The following OR52N2 variants were observed in gnomAD, a reference collection of about 807,000 sequenced individuals.
OR52N2 encodes the protein olfactory receptor family 52 subfamily N member 2.
For synonymous variants in OR52N2, 129 were observed against 72.0 expected (o/e 1.79, Z -4.01); for missense variants, 326 against 196.6 (o/e 1.66, Z -3.94).
chr11:5,819,916 A>C (rs1420891870), intron 1 of OR52N2, among the ~76,000 whole-genome samples: 1 of 152,178 alleles, frequency 6.6e-6, no homozygotes, highest in Non-Finnish European at 1.5e-5. Flanking sequence ...CAGTGACAAG[A>C]CTCAGGTACA....
At chr11:5,809,256 G>A (rs1846332891) in intron 1 of OR52N2, among the ~76,000 whole-genome samples, 1 of 152,186 alleles carries the variant, frequency 6.6e-6, no homozygotes. Context: ...AAGAGCACAG[G>A]GAAGGAAGGA....
chr11:5,812,363 C>G (rs945722273), intron 1 of OR52N2, among the ~76,000 whole-genome samples: 2 of 150,724 alleles, frequency 1.3e-5, no homozygotes, highest in Non-Finnish European at 3.0e-5. Context: ...GGCATGGTGG[C>G]GGGCGCCTAT....
chr11:5,815,669 G>C (rs988097145), intron 1 of OR52N2, among the ~76,000 whole-genome samples: 12 of 152,102 alleles, frequency 7.9e-5, no homozygotes, highest in Admixed American at 7.9e-4. Context: ...CAGTATGGTA[G>C]TTCCTCAAAA....
chr11:5,820,859 T>A lies in OR52N2; in HGVS notation c.524T>A (p.Phe175Tyr). The A allele has an allele frequency of 1.3e-6, 1 of 781,004 alleles. No homozygotes were observed. Among genetic ancestry groups the A allele is most frequent in the Non-Finnish European group, 2.4e-6 (1 of 418,136 alleles). The allele number at this position is 781,004 out of a possible 1,614,324, so 48.4% of individuals were successfully genotyped here. A position where few individuals can be genotyped will look rare whatever the true frequency, so the allele number is the denominator to read the frequency against. The change falls in exon 2 of 2, where the codon TTC (phenylalanine) becomes TAC (tyrosine). Residue 175 changes from phenylalanine to tyrosine, a missense_variant. By Grantham distance (22) the Phe-to-Tyr change is conservative. Transcript: ENST00000317037. ...CGCCTGCCCTATTGCCGGGGGAACT[T>A]CATCCCCCACACCTACTGTGACCAT... ...TKRLPYCRGN[F>Y]IPHTYCDHMS...
intron 1 of OR52N2, among the ~76,000 whole-genome samples, chr11:5,812,654 T>C (rs1165383547): frequency 6.6e-6 from 1 of 151,930 alleles, no homozygotes; most frequent in Admixed American, 6.6e-5. Context: ...AAAATATTAA[T>C]AGAGCTGAAG....
chr11:5,817,597 A>C (rs1047839367), intron 1 of OR52N2, among the ~76,000 whole-genome samples: 4 of 152,214 alleles, frequency 2.6e-5, no homozygotes, highest in Non-Finnish European at 4.4e-5. Flanking sequence ...CAGTATTTGC[A>C]CTAGTGAAGC....
Position 5,820,944 on chromosome 11 carries a change from G to A in OR52N2, c.609G>A (p.Met203Ile), listed in dbSNP as rs1564974271. ...NFKVNAIYGL[M>I]VALLIGVFDI... ...AGGTCAATGCTATTTATGGTCTGAT[G>A]GTTGCTCTCCTGATTGGTGTGTTTG... Residue 203 changes from methionine (M) to isoleucine (I), a missense_variant, in exon 2 of 2, where the codon ATG (methionine) becomes ATA (isoleucine). Physicochemically the swap from Met to Ile is conservative, Grantham distance 10. Coordinates refer to ENST00000317037, the MANE Select transcript of OR52N2 (RefSeq NM_001005174.3). The A allele has an allele frequency of 2.6e-6, 2 of 781,018 alleles. No homozygotes were observed. The highest frequency in any genetic ancestry group is 1.7e-5 in the African/African-American group (1 of 59,236). The allele number at this position is 781,018 out of a possible 1,614,324, so 48.4% of individuals were successfully genotyped here. A position where few individuals can be genotyped will look rare whatever the true frequency, so the allele number is the denominator to read the frequency against.
chr11:5,812,270 G>A (rs1016690011), intron 1 of OR52N2, among the ~76,000 whole-genome samples: 4 of 151,220 alleles, frequency 2.6e-5, no homozygotes, highest in East Asian at 1.9e-4. Flanking sequence ...CGAGGCAGGC[G>A]GATCACGAGG....
intron 1 of OR52N2, among the ~76,000 whole-genome samples, chr11:5,818,953 C>T (rs1288018861): frequency 6.6e-6 from 1 of 152,154 alleles, no homozygotes; most frequent in Admixed American, 6.5e-5. Flanking sequence ...TCACGAGCTT[C>T]TGAAACATGT....
chr11:5,813,215 G>A (rs929406320), intron 1 of OR52N2, among the ~76,000 whole-genome samples: 3 of 150,778 alleles, frequency 2.0e-5, no homozygotes, highest in Non-Finnish European at 4.4e-5. Context: ...GATCAGATCA[G>A]AAATAAATGA....
In OR52N2 at chr11:5,820,279, T is replaced by C; in HGVS notation, c.-54-3T>C. On this transcript the variant is annotated splice_region_variant and splice_polypyrimidine_tract_variant and intron_variant, in intron 1 of 1. Transcript: ENST00000317037. Reference sequence around the variant, plus strand: ...TCTCTAACTCTCCCTCTCCCTCTCCTAGGCAGAAAGCAATGGCTGCTAAAG... The same window carrying C: ...TCTCTAACTCTCCCTCTCCCTCTCCCAGGCAGAAAGCAATGGCTGCTAAAG... 1.3e-6 allele frequency: 1 copy of C among 756,280 alleles called. No homozygotes were observed. The highest frequency in any genetic ancestry group is 2.5e-6 in the Non-Finnish European group (1 of 407,298). 46.8% of individuals were successfully genotyped at this position (756,280 alleles called of 1,614,324 possible).
Position 5,820,763 on chromosome 11 carries a change from T to C in OR52N2, c.428T>C (p.Ile143Thr), listed in dbSNP as rs554682996. 1.3e-6 allele frequency: 1 copy of C among 772,952 alleles called. No homozygotes were observed. The highest frequency in any genetic ancestry group is 1.4e-5 in the South Asian group (1 of 71,972). 47.9% of individuals were successfully genotyped at this position (772,952 alleles called of 1,614,324 possible). A position where few individuals can be genotyped will look rare whatever the true frequency, so the allele number is the denominator to read the frequency against. The stretch of plus-strand genomic sequence containing the variant: ...GCCACCATCCTTACCAACCCTGTCA[T>C]CGCCAAGGCTGGTCTTGCCACCTTC... ...RYATILTNPV[I>T]AKAGLATFLR... Residue 143 changes from isoleucine to threonine, a missense_variant, in exon 2 of 2, where the codon ATC becomes ACC. Ile to Thr is a moderately conservative substitution (Grantham distance 89). Transcript: ENST00000317037.
chr11:5,812,273 T>A (rs1316094590), intron 1 of OR52N2, among the ~76,000 whole-genome samples: 1 of 151,118 alleles, frequency 6.6e-6, no homozygotes, highest in Non-Finnish European at 1.5e-5. Flanking sequence ...GGCAGGCGGA[T>A]CACGAGGTCA....
chr11:5,815,914 G>A (rs1846400664), intron 1 of OR52N2, among the ~76,000 whole-genome samples: 1 of 143,916 alleles, frequency 6.9e-6, no homozygotes, highest in African/African-American at 2.5e-5. Context: ...GTATATACGT[G>A]TGTATATATA....
intron 1 of OR52N2, among the ~76,000 whole-genome samples, chr11:5,816,956 TTG>T (rs1392727953): frequency 6.6e-6 from 1 of 152,242 alleles, no homozygotes; most frequent in African/African-American, 2.4e-5. Context: ...CAAAATAATT[TTG>T]TGTGTATTCT....
In OR52N2 at chr11:5,813,106, C is replaced by CA. The variant is rs1383872323; in HGVS notation, c.-55+4059dup. On this transcript the variant is annotated intron_variant, in intron 1 of 1. Transcript: ENST00000317037. Reference sequence around the variant, plus strand: ...AGTTCATAGCAAGAAACACCTACATCAAAAAAATAATAAAGATCTCAAATA... The same window carrying CA: ...AGTTCATAGCAAGAAACACCTACATCAAAAAAAATAATAAAGATCTCAAATA... Among the ~76,000 whole-genome samples, 3 of 151,018 alleles carry CA rather than the reference C, an allele frequency of 2.0e-5. No individual in the cohort carries two copies. In the East Asian group the frequency reaches 5.8e-4, roughly 29 times the overall value.
At position 5,820,609 on chromosome 11, in the gene OR52N2, A is replaced by G. The variant is rs1282120346; in HGVS notation, c.274A>G (p.Lys92Glu). 2 of 782,488 alleles carry G rather than the reference A, an allele frequency of 2.6e-6. No individual in the cohort carries two copies. The highest frequency in any genetic ancestry group is 4.8e-6 in the Non-Finnish European group (2 of 419,632). 48.5% of individuals were successfully genotyped at this position (782,488 alleles called of 1,614,324 possible). A position where few individuals can be genotyped will look rare whatever the true frequency, so the allele number is the denominator to read the frequency against. Residue 92 changes from lysine (K) to glutamate (E), a missense_variant, in exon 2 of 2, where the codon AAG becomes GAG. By Grantham distance (56) the Lys-to-Glu change is moderately conservative. Transcript: ENST00000317037. The stretch of plus-strand genomic sequence containing the variant: ...GCTGTGCATATTCTGGTTCAACCTC[A>G]AGGAGATTGACTTTAACGCCTGCCT... ...NMLCIFWFNL[K>E]EIDFNACLAQ...
In OR52N2 at chr11:5,821,317, T is replaced by C. The variant is rs778810182; in HGVS notation, c.*16T>C. On this transcript the variant is annotated 3_prime_UTR_variant, in exon 2 of 2. Coordinates refer to ENST00000317037, the MANE Select transcript of OR52N2 (RefSeq NM_001005174.3). The stretch of plus-strand genomic sequence containing the variant: ...TGACAAATGAAACATAGAATAGACA[T>C]ATTGTTTCAGGTGGTGAGAAAATAA... 1.2e-5 allele frequency: 9 copies of C among 751,986 alleles called. No individual in the cohort carries two copies. The Admixed American group carries it at 1.5e-4, about 12-fold the overall frequency. 46.6% of individuals were successfully genotyped at this position (751,986 alleles called of 1,614,324 possible). A position where few individuals can be genotyped will look rare whatever the true frequency, so the allele number is the denominator to read the frequency against.
intron 1 of OR52N2, among the ~76,000 whole-genome samples, chr11:5,814,231 G>T (rs185057280): frequency 6.6e-6 from 1 of 152,086 alleles, no homozygotes; most frequent in African/African-American, 2.4e-5. Flanking sequence ...TTTGTTCACC[G>T]TTGAAATGAT....
Sources: gnomAD v4.1 joint callset for allele counts (sites outside exome capture counted in the v4.1 genomes callset) on GRCh38, gnomAD v4.1.1 for gene constraint, MANE v1.5 for transcripts, NCBI Gene and HGNC (gene_info 2026-07-23, HGNC 2026-07-21) for gene names.